RPS6KA6: variants seen among roughly 807,000 people sequenced by gnomAD.
The protein encoded by RPS6KA6 is ribosomal protein S6 kinase alpha-6.
RPS6KA6 carries 27 observed loss-of-function variants against 65.4 expected under a neutral mutation model. That is an observed-to-expected ratio of 0.41 (90% CI 0.30 to 0.57). The LOEUF (loss-of-function observed/expected upper bound fraction) is 0.57. Ranked by LOEUF, RPS6KA6 falls within the 20% of genes least tolerant of loss-of-function variation. RPS6KA6 has a pLI of 0.24. For missense variants in RPS6KA6, 486 were observed against 555.6 expected, an observed-to-expected ratio of 0.87 and a Z score of 1.26; for synonymous variants, 190 against 184.2, an observed-to-expected ratio of 1.03 and a Z score of -0.26.
intron 8 of RPS6KA6, among the ~76,000 whole-genome samples, chrX:84,127,543 T>G (rs989056734): frequency 2.9e-4 from 32 of 111,427 alleles, no homozygotes; most frequent in African/African-American, 1.0e-3. Flanking sequence ...ATATCTCTGA[T>G]GAATAATAAT....
chrX:84,150,962 T>G (rs183311348), intron 3 of RPS6KA6, among the ~76,000 whole-genome samples: 21 of 94,358 alleles, frequency 2.2e-4, no homozygotes, highest in African/African-American at 4.9e-4. Context: ...GATATATATA[T>G]AGAGGATATA....
At chrX:84,139,409 G>T (rs1346254841) in intron 6 of RPS6KA6, among the ~76,000 whole-genome samples, 1 of 111,680 alleles carries the variant, frequency 9.0e-6, no homozygotes, top group Non-Finnish European at 1.9e-5. Flanking sequence ...TTAGAAGGGG[G>T]TCCTAGACAA....
chrX:84,185,950 C>T, intron 1 of RPS6KA6: 1 of 468,685 alleles, frequency 2.1e-6, no homozygotes, highest in South Asian at 2.8e-5. Flanking sequence ...TCAAATGTAG[C>T]ATTTAGTTTT....
chrX:84,151,133 TATATAGG>T (rs745707623), intron 3 of RPS6KA6, among the ~76,000 whole-genome samples: 37 of 96,416 alleles, frequency 3.8e-4, no homozygotes, highest in African/African-American at 1.4e-3. Flanking sequence ...TATATATAGA[TATATAGG>T]ATATATAGAT....
chrX:84,158,318 T>A (rs1185592851), intron 2 of RPS6KA6, among the ~76,000 whole-genome samples: 1 of 110,967 alleles, frequency 9.0e-6, no homozygotes, highest in Non-Finnish European at 1.9e-5. Flanking sequence ...AAACATCCCA[T>A]TGTACACCTT....
At chrX:84,083,923 G>A (rs144035366) in intron 20 of RPS6KA6, among the ~76,000 whole-genome samples, 435 of 112,354 alleles carry the variant, frequency 3.9e-3, no homozygotes, top group Non-Finnish European at 6.2e-3. Context: ...TCTAACTGGT[G>A]TGAAATGGTA....
chrX:84,161,599 G>C (rs1382467070), intron 2 of RPS6KA6, among the ~76,000 whole-genome samples: 2 of 111,544 alleles, frequency 1.8e-5, no homozygotes, highest in Non-Finnish European at 3.8e-5. Flanking sequence ...GGCATTCTCA[G>C]CTTGAAATAG....
At position 84,063,157 on chromosome X, in the gene RPS6KA6, T is replaced by A. The variant is rs1441022522; in HGVS notation, c.*1120A>T. On this transcript the variant is annotated 3_prime_UTR_variant, in exon 22 of 22. Coordinates refer to ENST00000262752, the MANE Select transcript of RPS6KA6 (RefSeq NM_014496.5). ...ATTTTTTGTAGACCATTAATATTAT[T>A]CATATTTAAAATGTTAGTTTATCTT... is the stretch of plus-strand genomic sequence containing the variant. The A allele has an allele frequency of 9.0e-6, 1 of 111,561 alleles. No individual in the cohort carries two copies. The highest frequency in any genetic ancestry group is 3.2e-5 in the African/African-American group (1 of 30,818). The allele number at this position is 111,561 out of a possible 1,213,427, so 9.2% of individuals were successfully genotyped here.
chrX:84,091,295 G>A (rs1413136817), intron 20 of RPS6KA6, among the ~76,000 whole-genome samples: 1 of 112,559 alleles, frequency 8.9e-6, no homozygotes, highest in Non-Finnish European at 1.9e-5. Context: ...AACACTTGCT[G>A]TGTAAATTAA....
intron 20 of RPS6KA6, among the ~76,000 whole-genome samples, chrX:84,069,024 A>G (rs1486951722): frequency 2.7e-5 from 3 of 112,174 alleles, no homozygotes; most frequent in African/African-American, 9.7e-5. Flanking sequence ...ATCCCCATCA[A>G]GCTACCACTG....
intron 6 of RPS6KA6, among the ~76,000 whole-genome samples, chrX:84,139,831 T>A (rs940400738): frequency 8.9e-6 from 1 of 112,137 alleles, no homozygotes; most frequent in African/African-American, 3.2e-5. Context: ...CACTGAATAC[T>A]GAGAGACAGG....
intron 2 of RPS6KA6, among the ~76,000 whole-genome samples, chrX:84,163,692 T>C (rs1602478448): frequency 1.9e-5 from 2 of 105,555 alleles, no homozygotes; most frequent in East Asian, 6.0e-4. Flanking sequence ...AAAATATCTA[T>C]AGAAATAACA....
chrX:84,066,867 A>G (rs968344555), intron 20 of RPS6KA6, among the ~76,000 whole-genome samples: 1 of 111,558 alleles, frequency 9.0e-6, no homozygotes, highest in African/African-American at 3.3e-5. Context: ...CACACCATAC[A>G]GGAGAGCACC....
At chrX:84,161,045 T>C (rs1446395304) in intron 2 of RPS6KA6, among the ~76,000 whole-genome samples, 1 of 111,055 alleles carries the variant, frequency 9.0e-6, no homozygotes, top group Non-Finnish European at 1.9e-5. Flanking sequence ...TAATACTTAC[T>C]CTATTTCAGA....
intron 5 of RPS6KA6, 95 bp downstream of exon 5, chrX:84,146,883 G>T: frequency 2.2e-6 from 1 of 456,497 alleles, no homozygotes; most frequent in Non-Finnish European, 3.6e-6. Context: ...TTTATTTCCT[G>T]TTATAGTATT....
At chrX:84,066,228 C>G (rs1452586140) in intron 20 of RPS6KA6, among the ~76,000 whole-genome samples, 2 of 102,771 alleles carry the variant, frequency 1.9e-5, no homozygotes, top group Non-Finnish European at 4.0e-5. Context: ...TTTTTCGTAA[C>G]CCAGTGGTGC....
At chrX:84,114,823 A>T (rs1569393009) in intron 12 of RPS6KA6, among the ~76,000 whole-genome samples, 1 of 111,974 alleles carries the variant, frequency 8.9e-6, no homozygotes, top group African/African-American at 3.2e-5. Context: ...TAGCCATCTG[A>T]TTTTCTACAA....
At chrX:84,100,374 C>G (rs2034236224) in intron 18 of RPS6KA6, among the ~76,000 whole-genome samples, 1 of 110,674 alleles carries the variant, frequency 9.0e-6, no homozygotes, top group Non-Finnish European at 1.9e-5. Context: ...GTTTACCTAA[C>G]CATTAATCTA....
intron 1 of RPS6KA6, among the ~76,000 whole-genome samples, chrX:84,173,736 T>C (rs528545248): frequency 2.7e-5 from 3 of 111,841 alleles, no homozygotes; most frequent in African/African-American, 9.8e-5. Flanking sequence ...TCACAGCTCA[T>C]TGTAACCTCA....
Sources: allele counts gnomAD v4.1 joint callset (sites outside exome capture counted in the v4.1 genomes callset), GRCh38; gene constraint gnomAD v4.1.1; transcripts MANE v1.5; gene names NCBI Gene and HGNC (gene_info 2026-07-23, HGNC 2026-07-21).